Variants in TANGO6 observed in about 807,000 individuals in gnomAD.
TANGO6 encodes the protein transport and Golgi organization protein 6 homolog.
TANGO6 carries 90 observed loss-of-function variants against 114.2 expected under a neutral mutation model. That is an observed-to-expected ratio of 0.79 (90% CI 0.66 to 0.94). TANGO6 has a LOEUF of 0.94. Ranked by LOEUF, TANGO6 falls within the 40% of genes least tolerant of loss-of-function variation. TANGO6 has a pLI of 0.00. For synonymous variants in TANGO6, 477 were observed against 509.8 expected, an observed-to-expected ratio of 0.94 and a Z score of 0.87; for missense variants, 1,274 against 1,315.3, an observed-to-expected ratio of 0.97 and a Z score of 0.49.
intron 15 of TANGO6, among the ~76,000 whole-genome samples, chr16:69,012,285 G>A (rs370834199): frequency 4.6e-5 from 7 of 152,106 alleles, no homozygotes; most frequent in African/African-American, 9.7e-5. Flanking sequence ...GGTTGGGCAC[G>A]GTGGCTCACG....
chr16:69,003,614 G>A (rs1964064695), intron 15 of TANGO6, among the ~76,000 whole-genome samples: 1 of 151,792 alleles, frequency 6.6e-6, no homozygotes, highest in African/African-American at 2.4e-5. Context: ...TTAACATAGG[G>A]GACCAAAATT....
Position 69,043,283 on chromosome 16 carries a change from AGTGTGTGTGT to A in TANGO6, c.3108+2893_3108+2902del, listed in dbSNP as rs57443398. On this transcript the variant is annotated intron_variant, in intron 17 of 17. Coordinates refer to ENST00000261778, the MANE Select transcript of TANGO6 (RefSeq NM_024562.2). ...GTGAGAGCGAGCGAGAGACAGAGCG[AGTGTGTGTGT>A]GTGTGTGTGTGTGTGTGTGTGTGTG... 3.5e-3 allele frequency among the ~76,000 whole-genome samples: 520 copies of A among 146,738 alleles called. 5 individuals are homozygous for A. Among genetic ancestry groups the A allele is most frequent in the African/African-American group, 9.6e-3 (381 of 39,544 alleles).
intron 17 of TANGO6, among the ~76,000 whole-genome samples, chr16:69,045,279 C>G (rs939435377): frequency 7.3e-5 from 11 of 150,020 alleles, no homozygotes; most frequent in African/African-American, 2.7e-4. Context: ...ATGGTGAAAC[C>G]CCGTCTCTAC....
chr16:68,952,256 G>C (rs1160439875), intron 14 of TANGO6, among the ~76,000 whole-genome samples: 1 of 152,192 alleles, frequency 6.6e-6, no homozygotes, highest in Admixed American at 6.5e-5. Context: ...ATGGAGTAGT[G>C]AGAGAGCTTG....
rs1450702451 is a variant in TANGO6, at chr16:68,927,591, T to A, written c.2151T>A (p.Val717=). ...AGTTGAAGTCAAGTGATTTTGCTGT[T>A]CTGAAGCAGTTGTTGCCTCTGTTGG... is the stretch of plus-strand genomic sequence containing the variant. The part of the protein sequence containing the change: ...AVQLKSSDFA[V]LKQLLPLLEK... The change falls in exon 13 of 18, where the codon GTT becomes GTA. Residue 717 remains valine, a synonymous_variant. Coordinates refer to ENST00000261778, the MANE Select transcript of TANGO6 (RefSeq NM_024562.2). 1.5e-5 allele frequency: 25 copies of A among 1,613,544 alleles called. No individual in the cohort carries two copies. Among genetic ancestry groups the A allele is most frequent in the Non-Finnish European group, 2.0e-5 (24 of 1,179,624 alleles).
At chr16:68,863,162 G>T in intron 3 of TANGO6, 101 bp downstream of exon 3, 1 of 648,788 alleles carries the variant, frequency 1.5e-6, no homozygotes, top group Non-Finnish European at 2.5e-6. Flanking sequence ...CCTGTTTAAT[G>T]ATCTAGTTGA....
At chr16:68,877,201 G>C (rs1001148988) in intron 5 of TANGO6, among the ~76,000 whole-genome samples, 1 of 152,160 alleles carries the variant, frequency 6.6e-6, no homozygotes, top group Admixed American at 6.5e-5. Context: ...TGGGCACGGT[G>C]GCTCACGCCT....
At chr16:69,021,488 T>C (rs896625057) in intron 15 of TANGO6, among the ~76,000 whole-genome samples, 1 of 152,144 alleles carries the variant, frequency 6.6e-6, no homozygotes, top group South Asian at 2.1e-4. Context: ...CCCTATAGTA[T>C]GTATTACCTT....
At chr16:68,877,614 A>AT (rs1000421788) in intron 5 of TANGO6, among the ~76,000 whole-genome samples, 17 of 148,082 alleles carry the variant, frequency 1.1e-4, no homozygotes, top group East Asian at 2.0e-4. Flanking sequence ...GGCAAAAAAA[A>AT]TTTTTTTTTT....
In TANGO6 at chr16:69,084,964, A is replaced by G. The variant is rs556810438; in HGVS notation, c.*1303A>G. ...TCCCTTTAAAGAGGCCATCTTATGAACAGGATCACAAGTGAGCTTAGTGAG... is the reference window on the plus strand; with the variant it reads ...TCCCTTTAAAGAGGCCATCTTATGAGCAGGATCACAAGTGAGCTTAGTGAG... On this transcript the variant is annotated 3_prime_UTR_variant, in exon 18 of 18. Coordinates refer to ENST00000261778, the MANE Select transcript of TANGO6 (RefSeq NM_024562.2). 1 of 152,494 alleles carries G rather than the reference A, an allele frequency of 6.6e-6. No individual in the cohort carries two copies. The highest frequency in any genetic ancestry group is 1.5e-5 in the Non-Finnish European group (1 of 68,030). 9.4% of individuals were successfully genotyped at this position (152,494 alleles called of 1,614,324 possible).
chr16:69,030,462 C>G (rs1307901532), intron 16 of TANGO6, among the ~76,000 whole-genome samples: 2 of 151,926 alleles, frequency 1.3e-5, no homozygotes, highest in Non-Finnish European at 2.9e-5. Context: ...GCAGAGGGAG[C>G]AGCTGTGCAA....
At chr16:69,018,139 C>CTTTTTTT (rs34796579) in intron 15 of TANGO6, among the ~76,000 whole-genome samples, 22 of 77,082 alleles carry the variant, frequency 2.9e-4, no homozygotes, top group African/African-American at 8.8e-4. Flanking sequence ...TTGGAAATCT[C>CTTTTTTT]TTTTTTTTTT....
chr16:69,073,314 A>G (rs1445513856), intron 17 of TANGO6, among the ~76,000 whole-genome samples: 4 of 152,194 alleles, frequency 2.6e-5, no homozygotes, highest in Non-Finnish European at 4.4e-5. Context: ...TTCACAGAGC[A>G]GGTACAGGTT....
At chr16:69,043,518 C>T (rs1597069605) in intron 17 of TANGO6, among the ~76,000 whole-genome samples, 1 of 152,244 alleles carries the variant, frequency 6.6e-6, no homozygotes, top group East Asian at 1.9e-4. Flanking sequence ...TCCAAACTGT[C>T]TCTAGTCTGC....
chr16:68,999,539 T>G (rs191643370), intron 15 of TANGO6, among the ~76,000 whole-genome samples: 86 of 152,346 alleles, frequency 5.6e-4, no homozygotes, highest in African/African-American at 1.9e-3. Context: ...CTTATTACAC[T>G]TATTCAAATA....
chr16:69,004,090 C>T (rs1209346573), intron 15 of TANGO6, among the ~76,000 whole-genome samples: 2 of 151,844 alleles, frequency 1.3e-5, no homozygotes, highest in East Asian at 3.9e-4. Flanking sequence ...TTTAGTAATC[C>T]TAAATTTTAA....
intron 16 of TANGO6, among the ~76,000 whole-genome samples, chr16:69,028,343 A>G (rs1959539006): frequency 6.6e-6 from 1 of 152,010 alleles, no homozygotes; most frequent in African/African-American, 2.4e-5. Context: ...AAAGTGCACA[A>G]TTCAGGCCAG....
At chr16:69,044,157 C>G (rs141582700) in intron 17 of TANGO6, among the ~76,000 whole-genome samples, 1 of 152,078 alleles carries the variant, frequency 6.6e-6, no homozygotes, top group South Asian at 2.1e-4. Context: ...CTCCACCTCC[C>G]GGGTTCAAGC....
At chr16:69,067,172 T>C (rs1960225115) in intron 17 of TANGO6, among the ~76,000 whole-genome samples, 1 of 152,194 alleles carries the variant, frequency 6.6e-6, no homozygotes, top group Non-Finnish European at 1.5e-5. Context: ...GCCGGGATCA[T>C]AGGTATGAGC....
Sources: allele counts gnomAD v4.1 joint callset (sites outside exome capture counted in the v4.1 genomes callset), GRCh38; gene constraint gnomAD v4.1.1; transcripts MANE v1.5; gene names NCBI Gene and HGNC (gene_info 2026-07-23, HGNC 2026-07-21).